The following DNAAF9 variants were observed in gnomAD, a reference collection of about 807,000 sequenced individuals.
DNAAF9 encodes shulin.
DNAAF9 carries 90 observed loss-of-function variants against 167.0 expected under a neutral mutation model. The observed-to-expected ratio is 0.54, with a 90% confidence interval of 0.45 to 0.64. DNAAF9 has a LOEUF of 0.64. Ranked by LOEUF, DNAAF9 falls within the 30% of genes least tolerant of loss-of-function variation. The probability of loss-of-function intolerance (pLI) is 0.00; values close to 1 mark genes in which losing one functional copy is unlikely to be tolerated. For synonymous variants in DNAAF9, 491 were observed against 508.8 expected (o/e 0.96, Z 0.47); for missense variants, 1,315 against 1,442.2 (o/e 0.91, Z 1.43).
chr20:3,380,349 C>T (rs566677383), intron 3 of DNAAF9, among the ~76,000 whole-genome samples: 1 of 152,294 alleles, frequency 6.6e-6, no homozygotes, highest in African/African-American at 2.4e-5. Flanking sequence ...AAGCTTTAAT[C>T]AGTCTATAAG....
chr20:3,288,272 G>GA (rs1299380488), intron 26 of DNAAF9, among the ~76,000 whole-genome samples: 2 of 152,176 alleles, frequency 1.3e-5, no homozygotes, highest in Non-Finnish European at 2.9e-5. Context: ...CCAACATAGA[G>GA]AAATTCCATC....
At position 3,315,836 on chromosome 20, in the gene DNAAF9, C is replaced by A; in HGVS notation, c.1540-51G>T. ...TCAGTCAACTACTTCAAGGGAAAAC[C>A]CTGCTAGGTCTCCCCACTGTGTTCA... On this transcript the variant is annotated intron_variant, in intron 18 of 36. Transcript: ENST00000252032. This position sits in a 1 kb window ranked among gnomAD's most constrained non-coding sequence, Gnocchi z 4.1. 2.3e-6 allele frequency: 3 copies of A among 1,306,278 alleles called. No homozygotes were observed. In the East Asian group the frequency reaches 6.9e-5, roughly 30 times the overall value. 80.9% of individuals were successfully genotyped at this position (1,306,278 alleles called of 1,614,324 possible).
At chr20:3,331,314 C>G (rs1428031810) in intron 11 of DNAAF9, among the ~76,000 whole-genome samples, 5 of 152,092 alleles carry the variant, frequency 3.3e-5, no homozygotes, top group African/African-American at 1.2e-4. Flanking sequence ...TCAGTTCTAC[C>G]TCTTGCTTTA....
At chr20:3,280,726 C>T (rs1363079541) in intron 28 of DNAAF9, among the ~76,000 whole-genome samples, 1 of 151,658 alleles carries the variant, frequency 6.6e-6, no homozygotes, top group African/African-American at 2.4e-5. Context: ...AGCAATCCTC[C>T]AGCCTCAGCC....
At chr20:3,308,341 C>CTTTTTTT (rs35610785) in intron 20 of DNAAF9, among the ~76,000 whole-genome samples, 3 of 105,404 alleles carry the variant, frequency 2.8e-5, no homozygotes, top group South Asian at 3.0e-4. Flanking sequence ...CAAAACTTTA[C>CTTTTTTT]TTTTTTTTTT....
intron 12 of DNAAF9, among the ~76,000 whole-genome samples, chr20:3,328,639 G>A (rs1469005207): frequency 6.6e-6 from 1 of 152,118 alleles, no homozygotes; most frequent in Non-Finnish European, 1.5e-5. Context: ...TCTAGCATAA[G>A]GATCCAGGAC....
chr20:3,361,738 CTT>C (rs2083367774), intron 6 of DNAAF9: 1 of 797,650 alleles, frequency 1.3e-6, no homozygotes, highest in Admixed American at 3.0e-5. Context: ...TTTACAGTAT[CTT>C]AACTTCCTTT....
chr20:3,339,883 C>G (rs902204020), intron 10 of DNAAF9, among the ~76,000 whole-genome samples: 1 of 152,156 alleles, frequency 6.6e-6, no homozygotes, highest in Non-Finnish European at 1.5e-5. Flanking sequence ...GAGTGAGACC[C>G]TGTCTCAAAA....
At chr20:3,261,373 T>A (rs960891054) in intron 31 of DNAAF9, among the ~76,000 whole-genome samples, 37 of 151,760 alleles carry the variant, frequency 2.4e-4, no homozygotes, top group African/African-American at 2.9e-4. Flanking sequence ...TAATTAATTT[T>A]ATTTTATTTT....
chr20:3,345,917 G>C (rs925943333), intron 8 of DNAAF9, among the ~76,000 whole-genome samples: 5 of 151,864 alleles, frequency 3.3e-5, no homozygotes, highest in Non-Finnish European at 7.4e-5. Context: ...CCTGGCGACA[G>C]AGCGACACTC....
chr20:3,329,764 T>C (rs1290173153), intron 12 of DNAAF9, among the ~76,000 whole-genome samples: 1 of 152,216 alleles, frequency 6.6e-6, no homozygotes, highest in Non-Finnish European at 1.5e-5. Flanking sequence ...TAGGTAATAA[T>C]AAAATTCCAT....
intron 1 of DNAAF9, among the ~76,000 whole-genome samples, chr20:3,387,680 CAAGCAACAGAGTAAA>C (rs2083764396): frequency 6.6e-6 from 1 of 151,838 alleles, no homozygotes; most frequent in South Asian, 2.1e-4. Flanking sequence ...TCAAATGACA[CAAGCAACAGAGTAAA>C]AAGACAACCC....
chr20:3,283,312 GAAC>G (rs1555786957), intron 27 of DNAAF9, among the ~76,000 whole-genome samples: 1 of 152,122 alleles, frequency 6.6e-6, no homozygotes, highest in Non-Finnish European at 1.5e-5. Flanking sequence ...GAGTTCCTAC[GAAC>G]AACTCATCTG....
At chr20:3,387,871 T>C (rs1481391270) in intron 1 of DNAAF9, among the ~76,000 whole-genome samples, 1 of 113,770 alleles carries the variant, frequency 8.8e-6, no homozygotes. Flanking sequence ...GGAGACCCTG[T>C]CTCTACAAAA....
chr20:3,252,509 A>G lies in DNAAF9; in HGVS notation c.*63T>C. 3 of 901,632 alleles carry G rather than the reference A, an allele frequency of 3.3e-6. No homozygotes were observed. The highest frequency in any genetic ancestry group is 5.6e-6 in the Non-Finnish European group (3 of 533,454). 55.9% of individuals were successfully genotyped at this position (901,632 alleles called of 1,614,324 possible). A position where few individuals can be genotyped will look rare whatever the true frequency, so the allele number is the denominator to read the frequency against. Reference sequence around the variant, plus strand: ...AGAGGCCTCCAGCAGAGCTGAGGTTAAGACACCCGTTCGTCCATCTCCAAG... The same window carrying G: ...AGAGGCCTCCAGCAGAGCTGAGGTTGAGACACCCGTTCGTCCATCTCCAAG... On this transcript the variant is annotated 3_prime_UTR_variant, in exon 37 of 37. Coordinates refer to ENST00000252032, the MANE Select transcript of DNAAF9 (RefSeq NM_001009984.3).
chr20:3,405,311 T>C (rs2084040657), intron 1 of DNAAF9, among the ~76,000 whole-genome samples: 1 of 152,210 alleles, frequency 6.6e-6, no homozygotes, highest in South Asian at 2.1e-4. Context: ...CAGAGTACTA[T>C]CTATGGGTCT....
Position 3,326,245 on chromosome 20 carries a change from A to G in DNAAF9, c.1140T>C (p.Ala380=), listed in dbSNP as rs368546041. 1 of 1,613,902 alleles carries G rather than the reference A, an allele frequency of 6.2e-7. No homozygotes were observed. Among genetic ancestry groups the G allele is most frequent in the Non-Finnish European group, 8.5e-7 (1 of 1,179,742 alleles). Residue 380 remains alanine (A), a synonymous_variant, in exon 13 of 37, where the codon GCT becomes GCC. Transcript: ENST00000252032. ...LSQIYAAVIE[A]VLAGIACYAK... is the part of the protein sequence containing the mutation. ...CATAACATGCAATGCCAGCCAAAAC[A>G]GCCTCAATAACAGCAGCATATATCT...
chr20:3,307,420 T>A (rs1447840360), intron 20 of DNAAF9, among the ~76,000 whole-genome samples: 1 of 152,114 alleles, frequency 6.6e-6, no homozygotes, highest in East Asian at 1.9e-4. Flanking sequence ...GGTGGCCCAG[T>A]GCCTGTGCTC....
intron 9 of DNAAF9, among the ~76,000 whole-genome samples, chr20:3,342,376 ATTTC>A (rs1425432268): frequency 9.9e-5 from 15 of 152,268 alleles, no homozygotes; most frequent in Non-Finnish European, 1.5e-4. Context: ...GTAATAACAG[ATTTC>A]TTTGTTAAGA....
Sources: gnomAD v4.1 joint callset for allele counts (sites outside exome capture counted in the v4.1 genomes callset) on GRCh38, gnomAD v4.1.1 for gene constraint, Gnocchi (gnomAD v3.1) non-coding constraint, MANE v1.5 for transcripts, NCBI Gene and HGNC (gene_info 2026-07-23, HGNC 2026-07-21) for gene names.